The following SEPSECS variants were observed in gnomAD, a reference collection of about 807,000 sequenced individuals.
SEPSECS encodes the protein Sep (O-phosphoserine) tRNA:Sec (selenocysteine) tRNA synthase.
SEPSECS carries 42 observed loss-of-function variants against 52.1 expected under a neutral mutation model. That is an observed-to-expected ratio of 0.81 (90% CI 0.63 to 1.04). The LOEUF is 1.04. Among genes scored for constraint, SEPSECS ranks in the 50% least tolerant of loss-of-function variants. SEPSECS has a pLI of 0.00. For missense variants in SEPSECS, 590 were observed against 610.6 expected (o/e 0.97, Z 0.36); for synonymous variants, 216 against 211.4 (o/e 1.02, Z -0.19).
chr4:25,144,156 T>G (rs548810981), intron 8 of SEPSECS, among the ~76,000 whole-genome samples: 1 of 151,774 alleles, frequency 6.6e-6, no homozygotes, highest in South Asian at 2.1e-4. Flanking sequence ...CTAGCCAACA[T>G]AGTGAAACCC....
At position 25,132,211 on chromosome 4, in the gene SEPSECS, A is replaced by G. The variant is rs191100136; in HGVS notation, c.1027-4854T>C. Among the ~76,000 whole-genome samples, 9 of 152,380 alleles carry G rather than the reference A, an allele frequency of 5.9e-5. No homozygotes were observed. In the East Asian group the frequency reaches 1.7e-3, roughly 29 times the overall value. On this transcript the variant is annotated intron_variant, in intron 8 of 10. Transcript: ENST00000382103. ...GATAAAGCCTTTTCTGAAGAGATAG[A>G]GCTAGATGAAATAACCTCTAAAAAT...
At chr4:25,138,073 G>A (rs533915285) in intron 8 of SEPSECS, among the ~76,000 whole-genome samples, 11 of 152,120 alleles carry the variant, frequency 7.2e-5, no homozygotes, top group African/African-American at 2.7e-4. Context: ...AGGGGTGCAG[G>A]GGGAGGGAGA....
chr4:25,160,251 G>T lies in SEPSECS; in HGVS notation c.114+5C>A. 6.4e-7 allele frequency: 1 copy of T among 1,553,528 alleles called. No homozygotes were observed. The highest frequency in any genetic ancestry group is 8.7e-7 in the Non-Finnish European group (1 of 1,147,816). On this transcript the variant is annotated splice_donor_5th_base_variant and intron_variant, in intron 1 of 10. Coordinates refer to ENST00000382103, the MANE Select transcript of SEPSECS (RefSeq NM_016955.4). ...CGGCTGGGGAGGGGACCGACAGCTC[G>T]GTACCTTCTCCAGAAGCAGCCGTAT...
chr4:25,157,836 T>C (rs1471132132), intron 2 of SEPSECS, among the ~76,000 whole-genome samples: 3 of 152,294 alleles, frequency 2.0e-5, no homozygotes, highest in East Asian at 1.9e-4. Flanking sequence ...TGAGCCACCG[T>C]GCCCGGCCAA....
At chr4:25,125,085 T>C (rs926336081) in intron 10 of SEPSECS, among the ~76,000 whole-genome samples, 3 of 152,158 alleles carry the variant, frequency 2.0e-5, no homozygotes, top group African/African-American at 7.2e-5. Context: ...TCCTGTGATA[T>C]AAAATCTCTA....
Position 25,120,407 on chromosome 4 carries a change from G to A in SEPSECS, c.*3524C>T, listed in dbSNP as rs1170539600. On this transcript the variant is annotated 3_prime_UTR_variant, in exon 11 of 11. Transcript: ENST00000382103. ...AGTAAGGCACAAAAGGATGCAGTGA[G>A]TGTTAGGTCTGTTTACTAAGATTGG... is the stretch of plus-strand genomic sequence containing the variant. 2 of 152,188 alleles carry A rather than the reference G, an allele frequency of 1.3e-5. No homozygotes were observed. Among genetic ancestry groups the A allele is most frequent in the East Asian group, 1.9e-4 (1 of 5,204 alleles). 9.4% of individuals were successfully genotyped at this position (152,188 alleles called of 1,614,324 possible).
At chr4:25,158,927 C>T in intron 2 of SEPSECS, 26 bp downstream of exon 2, 1 of 1,605,470 alleles carries the variant, frequency 6.2e-7, no homozygotes, top group Non-Finnish European at 8.5e-7. Flanking sequence ...AACGATGTAT[C>T]TCCTGTACTA....
chr4:25,159,942 C>T (rs1321280748), intron 1 of SEPSECS: 1 of 985,288 alleles, frequency 1.0e-6, no homozygotes, highest in African/African-American at 1.7e-5. Flanking sequence ...GAGGTGCGAA[C>T]TTTGCCCTTT....
In SEPSECS at chr4:25,151,979, CACTTTGAAG is replaced by C; in HGVS notation, c.776_784del (p.Ser259_Lys261del). The C allele has an allele frequency of 1.3e-6, 2 of 1,579,620 alleles. No individual in the cohort carries two copies. Among genetic ancestry groups the C allele is most frequent in the Non-Finnish European group, 1.7e-6 (2 of 1,148,852 alleles). ...TCTTACCTGCTGAATGAGATGCATA[CACTTTGAAG>C]ACTGCACTCCATAAGCATTATTAAC... On this transcript the variant is annotated inframe_deletion, in exon 6 of 11. Coordinates refer to ENST00000382103, the MANE Select transcript of SEPSECS (RefSeq NM_016955.4).
intron 8 of SEPSECS, among the ~76,000 whole-genome samples, chr4:25,132,944 T>G (rs1398920370): frequency 6.6e-6 from 1 of 152,178 alleles, no homozygotes; most frequent in Admixed American, 6.5e-5. Context: ...TAAGTGGTAC[T>G]TGGGCGAGTA....
chr4:25,158,968 G>A lies in SEPSECS; in HGVS notation c.254C>T (p.Ala85Val), dbSNP rs764573233. Residue 85 changes from alanine (A) to valine (V), a missense_variant, in exon 2 of 11, where the codon GCT (alanine) becomes GTT (valine). Physicochemically the swap from Ala to Val is moderately conservative, Grantham distance 64 (BLOSUM62 0). Coordinates refer to ENST00000382103, the MANE Select transcript of SEPSECS (RefSeq NM_016955.4). ...AAAAAGATACCTGTAATGACGACGA[G>A]CAACCAGTGCGGATGCCACTCTCCC... ...REGRVASALVARRHYRFIHGI... is the reference protein window; with the variant it reads ...REGRVASALVVRRHYRFIHGI... 24 of 1,613,900 alleles carry A rather than the reference G, an allele frequency of 1.5e-5. No homozygotes were observed. Among genetic ancestry groups the A allele is most frequent in the East Asian group, 4.5e-5 (2 of 44,880 alleles).
At chr4:25,131,525 G>C (rs1035025995) in intron 8 of SEPSECS, among the ~76,000 whole-genome samples, 8 of 152,156 alleles carry the variant, frequency 5.3e-5, no homozygotes, top group African/African-American at 1.9e-4. Context: ...CACCTAAAAG[G>C]ATCCAGGAGC....
chr4:25,144,495 T>C (rs1274786323), intron 8 of SEPSECS, among the ~76,000 whole-genome samples: 2 of 151,822 alleles, frequency 1.3e-5, no homozygotes, highest in African/African-American at 2.4e-5. Flanking sequence ...GATAAATGAA[T>C]TGAATTTTAT....
intron 8 of SEPSECS, among the ~76,000 whole-genome samples, chr4:25,139,486 A>T (rs1192164956): frequency 6.9e-6 from 1 of 145,804 alleles, no homozygotes; most frequent in Non-Finnish European, 1.5e-5. Flanking sequence ...TCCTGGGTTC[A>T]AGTGATTCTC....
chr4:25,123,126 T>C lies in SEPSECS; in HGVS notation c.*805A>G, dbSNP rs1030047343. ...TGGTTATCACTTAAGATTCTCTATA[T>C]AGTATAGTTTGATGACATTTATACA... On this transcript the variant is annotated 3_prime_UTR_variant, in exon 11 of 11. Coordinates refer to ENST00000382103, the MANE Select transcript of SEPSECS (RefSeq NM_016955.4). 2.6e-5 allele frequency: 4 copies of C among 152,186 alleles called. No individual in the cohort carries two copies. The highest frequency in any genetic ancestry group is 9.6e-5 in the African/African-American group (4 of 41,460). 9.4% of individuals were successfully genotyped at this position (152,186 alleles called of 1,614,324 possible).
At chr4:25,147,828 T>C (rs1343676982) in intron 6 of SEPSECS, among the ~76,000 whole-genome samples, 1 of 152,162 alleles carries the variant, frequency 6.6e-6, no homozygotes, top group Non-Finnish European at 1.5e-5. Flanking sequence ...TCTTCATTGA[T>C]TGATTATTGC....
rs975783229 is a variant in SEPSECS at position 25,155,032 on chromosome 4, T to C, written c.667A>G (p.Thr223Ala). 5 of 1,614,044 alleles carry C rather than the reference T, an allele frequency of 3.1e-6. No homozygotes were observed. The highest frequency in any genetic ancestry group is 2.7e-5 in the African/African-American group (2 of 74,936). ...ACCCTTGGAGCAAAACAGGATGTAG[T>C]AGAATGAATACACAGAATGCAATCA... The part of the protein sequence containing the change: ...GPDCILCIHS[T>A]TSCFAPRVPD... Residue 223 changes from threonine (T) to alanine (A), a missense_variant, in exon 5 of 11, where the codon ACT becomes GCT. Transcript: ENST00000382103.
At chr4:25,156,334 G>T in intron 3 of SEPSECS, 139 bp from the exon 4 acceptor site, 1 of 671,060 alleles carries the variant, frequency 1.5e-6, no homozygotes, top group Non-Finnish European at 2.5e-6. Flanking sequence ...CTCTTGGAAA[G>T]CTCAATGCCA....
chr4:25,142,460 T>C (rs1364382309), intron 8 of SEPSECS, among the ~76,000 whole-genome samples: 1 of 152,230 alleles, frequency 6.6e-6, no homozygotes, highest in Non-Finnish European at 1.5e-5. Context: ...GTTTCCCCCA[T>C]AGGCAATGTG....
Sources: allele counts gnomAD v4.1 joint callset (sites outside exome capture counted in the v4.1 genomes callset), GRCh38; gene constraint gnomAD v4.1.1; transcripts MANE v1.5; gene names NCBI Gene and HGNC (gene_info 2026-07-23, HGNC 2026-07-21).